Variants in DSG1 observed in about 807,000 individuals in gnomAD.
The protein encoded by DSG1 is desmoglein-1.
A neutral mutation model predicts 97.5 loss-of-function variants in DSG1; 39 were observed. The observed-to-expected ratio is 0.40, with a 90% confidence interval of 0.31 to 0.52. DSG1 has a LOEUF of 0.52. DSG1 is among the 20% of genes least tolerant of loss of function. The pLI is 0.53. For missense variants in DSG1, 1,311 were observed against 1,295.4 expected, an observed-to-expected ratio of 1.01 and a Z score of -0.18; for synonymous variants, 475 against 443.4, an observed-to-expected ratio of 1.07 and a Z score of -0.90.
At chr18:31,327,096 C>A in intron 3 of DSG1, 91 bp downstream of exon 3, 1 of 1,495,696 alleles carries the variant, frequency 6.7e-7, no homozygotes, top group Non-Finnish European at 9.3e-7. Flanking sequence ...GAACATGTCT[C>A]ACCGAGAAGC....
intron 9 of DSG1, among the ~76,000 whole-genome samples, chr18:31,337,197 T>C (rs2071761144): frequency 1.3e-5 from 2 of 152,178 alleles, no homozygotes; most frequent in Admixed American, 1.3e-4. Flanking sequence ...ACAAGAAGAA[T>C]GGGAGAAGCA....
In DSG1 at chr18:31,328,215, G is replaced by T; in HGVS notation, c.243G>T (p.Gln81His). ...TTCACTCAGATTGTGCTGCAAACCA[G>T]CAAGTTACATACCGCATCTCTGGAG... ...AKIHSDCAAN[Q>H]QVTYRISGVG... is the part of the protein sequence containing the mutation. Residue 81 changes from glutamine (Q) to histidine (H), a missense_variant, in exon 4 of 15, where the codon CAG (glutamine) becomes CAT (histidine). Physicochemically the swap from Gln to His is conservative, Grantham distance 24 (BLOSUM62 0). This residue lies in a region of DSG1 where 259 missense variants were observed against 304.1 expected (regional missense o/e 0.85). Transcript: ENST00000257192. 1 of 1,613,510 alleles carries T rather than the reference G, an allele frequency of 6.2e-7. No individual in the cohort carries two copies. Among genetic ancestry groups the T allele is most frequent in the Non-Finnish European group, 8.5e-7 (1 of 1,179,548 alleles).
At chr18:31,336,026 A>C (rs1285206377) in intron 8 of DSG1, among the ~76,000 whole-genome samples, 1 of 151,970 alleles carries the variant, frequency 6.6e-6, no homozygotes, top group Non-Finnish European at 1.5e-5. Flanking sequence ...TGAAGGTAGG[A>C]TAAATTGTCT....
intron 14 of DSG1, among the ~76,000 whole-genome samples, chr18:31,350,531 T>G (rs2071886221): frequency 6.6e-6 from 1 of 150,784 alleles, no homozygotes; most frequent in Admixed American, 6.6e-5. Flanking sequence ...TGGAATAGTT[T>G]CAGAAGGAAT....
intron 9 of DSG1, among the ~76,000 whole-genome samples, chr18:31,337,547 T>C (rs1300200016): frequency 1.1e-4 from 17 of 152,112 alleles, no homozygotes; most frequent in Non-Finnish European, 1.5e-5. Flanking sequence ...GCCACCGCAC[T>C]CAGCCCACCC....
At chr18:31,328,484 C>G (rs900328089) in intron 4 of DSG1, 140 bp downstream of exon 4, 6 of 816,706 alleles carry the variant, frequency 7.3e-6, no homozygotes, top group Middle Eastern at 7.2e-4. Context: ...GAGCATCCCA[C>G]GACTGAAAAG....
rs770916767 is a variant in DSG1, at chr18:31,328,229, G to A, written c.257G>A (p.Arg86His). ...GCTGCAAACCAGCAAGTTACATACC[G>A]CATCTCTGGAGTAGGAATTGATCAG... ...DCAANQQVTY[R>H]ISGVGIDQPP... The change falls in exon 4 of 15, where the codon CGC (arginine) becomes CAC (histidine). Residue 86 changes from arginine to histidine, a missense_variant. By Grantham distance (29) the Arg-to-His change is conservative. Transcript: ENST00000257192. The A allele has an allele frequency of 3.8e-5, 61 of 1,613,500 alleles. No individual in the cohort carries two copies. Among genetic ancestry groups the A allele is most frequent in the East Asian group, 6.7e-5 (3 of 44,854 alleles).
Position 31,355,443 on chromosome 18 carries a change from G to T in DSG1, c.*97G>T. The T allele has an allele frequency of 8.0e-7, 1 of 1,251,004 alleles. No individual in the cohort carries two copies. 77.5% of individuals were successfully genotyped at this position (1,251,004 alleles called of 1,614,324 possible). A position where few individuals can be genotyped will look rare whatever the true frequency, so the allele number is the denominator to read the frequency against. Reference sequence around the variant, plus strand: ...TGTGATTTATAACGCACAACTTCGTGCTCAGGTCATCTAGGAGCAAGGTGA... The same window carrying T: ...TGTGATTTATAACGCACAACTTCGTTCTCAGGTCATCTAGGAGCAAGGTGA... On this transcript the variant is annotated 3_prime_UTR_variant, in exon 15 of 15. Coordinates refer to ENST00000257192, the MANE Select transcript of DSG1 (RefSeq NM_001942.4).
At chr18:31,348,678 G>A (rs1461589062) in intron 14 of DSG1, among the ~76,000 whole-genome samples, 4 of 149,128 alleles carry the variant, frequency 2.7e-5, no homozygotes, top group African/African-American at 5.0e-5. Flanking sequence ...GTGTGAGATG[G>A]TATCTCATTG....
intron 3 of DSG1, among the ~76,000 whole-genome samples, 194 bp downstream of exon 3, chr18:31,327,199 A>C (rs2071691098): frequency 6.6e-6 from 1 of 152,144 alleles, no homozygotes; most frequent in Admixed American, 6.6e-5. Context: ...AGAAACAGGC[A>C]AACGTTGACT....
At chr18:31,327,207 A>T (rs2071691177) in intron 3 of DSG1, among the ~76,000 whole-genome samples, 1 of 152,050 alleles carries the variant, frequency 6.6e-6, no homozygotes, top group Non-Finnish European at 1.5e-5. Flanking sequence ...GCAAACGTTG[A>T]CTCACCTCAT....
chr18:31,348,527 C>G (rs1476641160), intron 14 of DSG1, among the ~76,000 whole-genome samples: 1 of 150,594 alleles, frequency 6.6e-6, no homozygotes, highest in Non-Finnish European at 1.5e-5. Context: ...AGTTCTAGAT[C>G]CCTGAGGAAT....
At chr18:31,349,285 G>T (rs2071872816) in intron 14 of DSG1, among the ~76,000 whole-genome samples, 1 of 140,234 alleles carries the variant, frequency 7.1e-6, no homozygotes, top group Non-Finnish European at 1.5e-5. Flanking sequence ...TAGATATGCG[G>T]TGTTATTTCT....
In DSG1 at chr18:31,325,666, T is replaced by C. The variant is rs8090836; in HGVS notation, c.49-915T>C. Among the ~76,000 whole-genome samples, 786 of 152,244 alleles carry C rather than the reference T, an allele frequency of 5.2e-3. 9 individuals carry two copies. Among genetic ancestry groups the C allele is most frequent in the African/African-American group, 0.018 (759 of 41,542 alleles). On this transcript the variant is annotated intron_variant, in intron 1 of 14. Coordinates refer to ENST00000257192, the MANE Select transcript of DSG1 (RefSeq NM_001942.4). ...ATGTAAATATCACCAATCACAAGGA[T>C]AATAGGTTAGTTTAAAATCAGAATT... is the stretch of plus-strand genomic sequence containing the variant.
At chr18:31,344,347 A>T (rs973025487) in intron 13 of DSG1, among the ~76,000 whole-genome samples, 1 of 152,188 alleles carries the variant, frequency 6.6e-6, no homozygotes, top group Non-Finnish European at 1.5e-5. Context: ...CATATTTCAT[A>T]CACATATATA....
intron 14 of DSG1, among the ~76,000 whole-genome samples, chr18:31,348,745 T>G (rs1445775454): frequency 3.6e-5 from 5 of 140,338 alleles, no homozygotes; most frequent in African/African-American, 1.4e-4. Flanking sequence ...TTTCATGTGT[T>G]TTTTGGCTGC....
chr18:31,325,988 A>G (rs575140530), intron 1 of DSG1, among the ~76,000 whole-genome samples: 20 of 152,204 alleles, frequency 1.3e-4, no homozygotes, highest in African/African-American at 4.6e-4. Flanking sequence ...ACAAATTATA[A>G]GAGTAATAAC....
chr18:31,323,371 AT>A lies in DSG1; in HGVS notation c.49-3209del, dbSNP rs2071665441. On this transcript the variant is annotated intron_variant, in intron 1 of 14. Transcript: ENST00000257192. The stretch of plus-strand genomic sequence containing the variant: ...TCCCTTCCCCAGTTTATTGATTTTA[AT>A]CTCCATCCACCTCACCCTTACTCCA... 2.0e-5 allele frequency among the ~76,000 whole-genome samples: 3 copies of A among 152,072 alleles called. No individual in the cohort carries two copies. In the South Asian group the frequency reaches 6.2e-4, roughly 32 times the overall value.
chr18:31,355,247 T>C lies in DSG1; in HGVS notation c.3051T>C (p.Ser1017=). 6.2e-7 allele frequency: 1 copy of C among 1,610,488 alleles called. No individual in the cohort carries two copies. Residue 1017 remains serine, a synonymous_variant, in exon 15 of 15, where the codon AGT becomes AGC. Coordinates refer to ENST00000257192, the MANE Select transcript of DSG1 (RefSeq NM_001942.4). ...GGTASIGHMR[S]SSDHHFNQTI... is the part of the protein sequence containing the mutation. ...CAGCCAGCATTGGCCACATGAGGAG[T>C]TCCTCTGACCATCACTTTAACCAAA...
Sources: allele counts gnomAD v4.1 joint callset (sites outside exome capture counted in the v4.1 genomes callset), GRCh38; gene constraint gnomAD v4.1.1; regional missense constraint gnomAD v4.1.1; transcripts MANE v1.5; gene names NCBI Gene and HGNC (gene_info 2026-07-23, HGNC 2026-07-21).